The following TP63 variants were observed in gnomAD, a reference collection of about 807,000 sequenced individuals.
TP63 encodes the protein tumor protein 63.
In TP63, 17 loss-of-function variants were observed where a neutral mutation model predicts 82.8. That is an observed-to-expected ratio of 0.21 (90% CI 0.14 to 0.31). The LOEUF (loss-of-function observed/expected upper bound fraction) is 0.31. Among genes scored for constraint, TP63 ranks in the 10% least tolerant of loss-of-function variants. The probability of loss-of-function intolerance (pLI) is 1.00; values close to 1 mark genes in which losing one functional copy is unlikely to be tolerated. For synonymous variants in TP63, 330 were observed against 321.7 expected, an observed-to-expected ratio of 1.03 and a Z score of -0.28; for missense variants, 648 against 895.3, an observed-to-expected ratio of 0.72 and a Z score of 3.52.
chr3:189,745,838 T>G (rs1223221380), intron 3 of TP63, among the ~76,000 whole-genome samples: 2 of 149,850 alleles, frequency 1.3e-5, no homozygotes, highest in Non-Finnish European at 3.0e-5. Context: ...TCTCAGAAAT[T>G]GAAGACAGGT....
chr3:189,789,931 C>T (rs1239294253), intron 3 of TP63: 2 of 1,298,338 alleles, frequency 1.5e-6, no homozygotes, highest in East Asian at 2.9e-5. Context: ...GGTTCTCGGT[C>T]ACCCAATGTA....
At chr3:189,786,994 C>T (rs1025838814) in intron 3 of TP63, among the ~76,000 whole-genome samples, 2 of 152,052 alleles carry the variant, frequency 1.3e-5, no homozygotes, top group African/African-American at 2.4e-5. Context: ...ACATCAGCTA[C>T]TCACTAATTC....
intron 1 of TP63, among the ~76,000 whole-genome samples, chr3:189,711,752 C>T (rs1718611450): frequency 6.6e-6 from 1 of 152,150 alleles, no homozygotes; most frequent in Non-Finnish European, 1.5e-5. Context: ...AAAAATATAA[C>T]CTGTTTTCTT....
chr3:189,671,351 G>A (rs1714875887), intron 1 of TP63, among the ~76,000 whole-genome samples: 1 of 152,070 alleles, frequency 6.6e-6, no homozygotes, highest in Non-Finnish European at 1.5e-5. Context: ...TCTCACTCCG[G>A]TTAGAAATGT....
At chr3:189,879,142 C>T (rs75239772) in intron 10 of TP63, among the ~76,000 whole-genome samples, 7,297 of 152,222 alleles carry the variant, frequency 0.048, 224 homozygotes, top group South Asian at 0.1. Context: ...CATTTTTATT[C>T]GGGCATATTC....
At chr3:189,719,642 G>A (rs758580866) in intron 1 of TP63, among the ~76,000 whole-genome samples, 1 of 152,336 alleles carries the variant, frequency 6.6e-6, no homozygotes, top group Admixed American at 6.5e-5. Context: ...GTCGCAGGTT[G>A]AAAGCAGTCA....
chr3:189,632,408 T>C (rs1257450430), intron 1 of TP63, among the ~76,000 whole-genome samples: 1 of 152,122 alleles, frequency 6.6e-6, no homozygotes, highest in African/African-American at 2.4e-5. Flanking sequence ...TGGAGCTTGA[T>C]ACTAGAAGCA....
Position 189,830,084 on chromosome 3 carries a change from G to A in TP63, c.579+21558G>A, listed in dbSNP as rs181085173. On this transcript the variant is annotated intron_variant, in intron 4 of 13. Coordinates refer to ENST00000264731, the MANE Select transcript of TP63 (RefSeq NM_003722.5). ...AGGCCAACGGTCATTTAGTAGGGTT[G>A]GAATAGGATGGGGAATGGGGCTTTG... is the stretch of plus-strand genomic sequence containing the variant. 1.5e-3 allele frequency: 308 copies of A among 201,430 alleles called. 1 individual carries two copies. Among genetic ancestry groups the A allele is most frequent in the African/African-American group, 7.1e-3 (296 of 41,792 alleles). 12.5% of individuals were successfully genotyped at this position (201,430 alleles called of 1,614,324 possible).
In TP63 at chr3:189,896,795, A is replaced by G. The variant is rs1456345290; in HGVS notation, c.*2293A>G. 9.6e-6 allele frequency: 2 copies of G among 207,656 alleles called. No individual in the cohort carries two copies. Among genetic ancestry groups the G allele is most frequent in the African/African-American group, 4.6e-5 (2 of 43,850 alleles). 12.9% of individuals were successfully genotyped at this position (207,656 alleles called of 1,614,324 possible). On this transcript the variant is annotated 3_prime_UTR_variant, in exon 14 of 14. Coordinates refer to ENST00000264731, the MANE Select transcript of TP63 (RefSeq NM_003722.5). ...TCCTCATGGCAGCCTACTCTCCTTGAGTGTATGAGTAGCCAGGGTAAGGGG... is the reference window on the plus strand; with the variant it reads ...TCCTCATGGCAGCCTACTCTCCTTGGGTGTATGAGTAGCCAGGGTAAGGGG...
rs184099476 is a variant in TP63 at position 189,645,951 on chromosome 3, A to G, written c.62+14374A>G. On this transcript the variant is annotated intron_variant, in intron 1 of 13. Transcript: ENST00000264731. ...TTTTGCATTTGTGAATTGTGTTACTATAAACATATGTATACAAGTGTCTTT... is the reference window on the plus strand; with the variant it reads ...TTTTGCATTTGTGAATTGTGTTACTGTAAACATATGTATACAAGTGTCTTT... Among the ~76,000 whole-genome samples the G allele has an allele frequency of 6.2e-4, 91 of 147,404 alleles. 16 individuals are homozygous for G. Among genetic ancestry groups the G allele is most frequent in the African/African-American group, 2.1e-3 (84 of 39,474 alleles).
intron 3 of TP63, among the ~76,000 whole-genome samples, chr3:189,781,025 G>C (rs551159595): frequency 6.6e-6 from 1 of 152,122 alleles, no homozygotes; most frequent in Non-Finnish European, 1.5e-5. Flanking sequence ...TAAGCGTAGA[G>C]AAAATCCGAG....
chr3:189,780,541 C>A (rs781390908), intron 3 of TP63, among the ~76,000 whole-genome samples: 1 of 152,202 alleles, frequency 6.6e-6, no homozygotes, highest in South Asian at 2.1e-4. Context: ...ACACTTCACT[C>A]TCTCCTGTAC....
intron 1 of TP63, among the ~76,000 whole-genome samples, chr3:189,701,904 TTTCTTTTTC>T (rs1259062168): frequency 1.3e-5 from 2 of 152,204 alleles, no homozygotes; most frequent in Non-Finnish European, 2.9e-5. Flanking sequence ...TAATCTTTTC[TTTCTTTTTC>T]TTCTTTTTCC....
At chr3:189,662,303 G>A (rs1307112159) in intron 1 of TP63, among the ~76,000 whole-genome samples, 1 of 151,944 alleles carries the variant, frequency 6.6e-6, no homozygotes, top group Non-Finnish European at 1.5e-5. Context: ...TTTGACTTCT[G>A]CCTTAATTTA....
intron 1 of TP63, among the ~76,000 whole-genome samples, chr3:189,713,414 A>G (rs1210487125): frequency 6.6e-6 from 1 of 152,184 alleles, no homozygotes; most frequent in African/African-American, 2.4e-5. Context: ...GAGTTTTTGG[A>G]TAAATACTTC....
chr3:189,672,712 G>T (rs983216652), intron 1 of TP63, among the ~76,000 whole-genome samples: 1 of 139,932 alleles, frequency 7.1e-6, no homozygotes, highest in Non-Finnish European at 1.6e-5. Flanking sequence ...AAGGAAAGAA[G>T]GAAGGCAGGC....
chr3:189,840,638 A>G (rs1015688535), intron 4 of TP63, among the ~76,000 whole-genome samples: 2 of 151,696 alleles, frequency 1.3e-5, no homozygotes, highest in Non-Finnish European at 2.9e-5. Context: ...AGGTGGGTGG[A>G]TCACGAGGTC....
intron 10 of TP63, among the ~76,000 whole-genome samples, chr3:189,875,404 A>G (rs1377107055): frequency 6.6e-6 from 1 of 150,742 alleles, no homozygotes; most frequent in Non-Finnish European, 1.5e-5. Context: ...CGTCGCTACT[A>G]AAAATACAAA....
rs191329000 is a variant in TP63 at position 189,686,821 on chromosome 3, C to T, written c.63-50919C>T. Among the ~76,000 whole-genome samples, 863 of 151,238 alleles carry T rather than the reference C, an allele frequency of 5.7e-3. 6 individuals carry two copies. The highest frequency in any genetic ancestry group is 9.0e-3 in the Non-Finnish European group (609 of 67,794). ...TCTCAGCTCACTGCAACCTCTGCCA[C>T]CCAGGTTCAAGCGATTCTCCTGCCT... On this transcript the variant is annotated intron_variant, in intron 1 of 13. Coordinates refer to ENST00000264731, the MANE Select transcript of TP63 (RefSeq NM_003722.5).
Sources: gnomAD v4.1 joint callset for allele counts (sites outside exome capture counted in the v4.1 genomes callset) on GRCh38, gnomAD v4.1.1 for gene constraint, MANE v1.5 for transcripts, NCBI Gene and HGNC (gene_info 2026-07-23, HGNC 2026-07-21) for gene names.